NBR1: variants seen among roughly 807,000 people sequenced by gnomAD.
NBR1 encodes next to BRCA1 gene 1 protein.
A neutral mutation model predicts 115.5 loss-of-function variants in NBR1; 59 were observed. The observed-to-expected ratio is 0.51, with a 90% CI of 0.41 to 0.63. The LOEUF is 0.63. Ranked by LOEUF, NBR1 falls within the 30% of genes least tolerant of loss-of-function variation. The pLI, the probability that NBR1 is intolerant of heterozygous loss-of-function variation, is 0.00. For missense variants in NBR1, 1,043 were observed against 1,150.5 expected, an observed-to-expected ratio of 0.91 and a Z score of 1.35; for synonymous variants, 373 against 414.7, an observed-to-expected ratio of 0.90 and a Z score of 1.22.
At chr17:43,203,612 C>T in intron 19 of NBR1, 69 bp from the exon 20 acceptor site, 3 of 940,402 alleles carry the variant, frequency 3.2e-6, no homozygotes, top group Non-Finnish European at 3.3e-6. Flanking sequence ...AGGATTAGAG[C>T]CCAGATTATC....
In NBR1 at chr17:43,210,919, T is replaced by G. The variant is rs904846544; in HGVS notation, c.*845T>G. 2 of 390,528 alleles carry G rather than the reference T, an allele frequency of 5.1e-6. No homozygotes were observed. Among genetic ancestry groups the G allele is most frequent in the Non-Finnish European group, 9.0e-6 (2 of 222,120 alleles). The allele number at this position is 390,528 out of a possible 1,614,324, so 24.2% of individuals were successfully genotyped here. On this transcript the variant is annotated 3_prime_UTR_variant, in exon 21 of 21. Transcript: ENST00000590996. ...TTTTTCTTAATGTCAGGGCAGATCT[T>G]ATTTTACAGTACAGTGGGGGAAATA...
At chr17:43,189,823 A>T (rs1338993399) in intron 8 of NBR1, 21 bp downstream of exon 8, 1 of 1,605,524 alleles carries the variant, frequency 6.2e-7, no homozygotes, top group Non-Finnish European at 8.5e-7. Context: ...GCTTGGGAGT[A>T]GCTAGCTAGT....
intron 16 of NBR1, 66 bp downstream of exon 16, chr17:43,197,172 T>A: frequency 7.1e-7 from 1 of 1,404,702 alleles, no homozygotes; most frequent in Non-Finnish European, 1.0e-6. Flanking sequence ...CAGACTTGAC[T>A]AGTTAGATGT....
Position 43,195,059 on chromosome 17 carries a change from C to T in NBR1, c.1750+20C>T, listed in dbSNP as rs1446997696. 6.2e-7 allele frequency: 1 copy of T among 1,600,982 alleles called. No individual in the cohort carries two copies. The highest frequency in any genetic ancestry group is 1.7e-5 in the Admixed American group (1 of 59,880). ...CTGTGGGTAAGAATGTCACTCATTT[C>T]ATCTTGTTCGTCTTACTAATAGGCA... On this transcript the variant is annotated intron_variant, in intron 14 of 20. Coordinates refer to ENST00000590996, the MANE Select transcript of NBR1 (RefSeq NM_005899.5).
rs759713731 is a variant in NBR1 at position 43,194,455 on chromosome 17, G to C, written c.1630G>C (p.Glu544Gln). Residue 544 changes from glutamate to glutamine, a missense_variant, in exon 13 of 21, where the codon GAG becomes CAG. By Grantham distance (29) the Glu-to-Gln change is conservative. Transcript: ENST00000590996. ...ACAGAAGGCAAAAAATGTTGCCAGT[G>C]AGAGGGAGCTCTACATCCCATCTGT... Reference protein sequence around the residue: ...IPQKAKNVASERELYIPSVDL... With the variant: ...IPQKAKNVASQRELYIPSVDL... 6 of 1,614,012 alleles carry C rather than the reference G, an allele frequency of 3.7e-6. No individual in the cohort carries two copies. The East Asian group carries it at 1.3e-4, about 36-fold the overall frequency.
At chr17:43,171,564 G>A (rs577838563) in intron 1 of NBR1, among the ~76,000 whole-genome samples, 1 of 152,308 alleles carries the variant, frequency 6.6e-6, no homozygotes, top group African/African-American at 2.4e-5. Context: ...AGTGGAATGA[G>A]GGCCTAGGCA....
At position 43,200,571 on chromosome 17, in the gene NBR1, A is replaced by C. The variant is rs1219007057; in HGVS notation, c.2431A>C (p.Ile811Leu). The C allele has an allele frequency of 6.2e-7, 1 of 1,612,128 alleles. No homozygotes were observed. Among genetic ancestry groups the C allele is most frequent in the Admixed American group, 1.7e-5 (1 of 59,964 alleles). ...TSQTLETVPL[I>L]PEVVELPPSL... ...ACAGACTCTGGAAACAGTGCCCCTA[A>C]TCCCAGAGGTAGTGGAGCTTCCACC... is the stretch of plus-strand genomic sequence containing the variant. Residue 811 changes from isoleucine (I) to leucine (L), a missense_variant, in exon 17 of 21, where the codon ATC becomes CTC. By Grantham distance (5) the Ile-to-Leu change is conservative. Transcript: ENST00000590996.
intron 20 of NBR1, among the ~76,000 whole-genome samples, chr17:43,205,338 A>C (rs2057293257): frequency 6.6e-6 from 1 of 152,154 alleles, no homozygotes; most frequent in East Asian, 1.9e-4. Flanking sequence ...TGGGCAACAG[A>C]GTGAGACTCC....
Position 43,191,592 on chromosome 17 carries a change from G to A in NBR1, c.1073+11G>A, listed in dbSNP as rs372677092. 180 of 1,584,290 alleles carry A rather than the reference G, an allele frequency of 1.1e-4. No individual in the cohort carries two copies. In the African/African-American group the frequency reaches 2.2e-3, roughly 19 times the overall value. ...GTCTAATACCCTGATGTAAGCCCAG[G>A]ACTGGGGTGGGAGCCAAAACTTTAG... On this transcript the variant is annotated intron_variant, in intron 10 of 20. Coordinates refer to ENST00000590996, the MANE Select transcript of NBR1 (RefSeq NM_005899.5).
Position 43,175,910 on chromosome 17 carries a change from T to C in NBR1, c.102+9T>C. The C allele has an allele frequency of 6.8e-7, 1 of 1,480,230 alleles. No homozygotes were observed. The highest frequency in any genetic ancestry group is 1.7e-5 in the Admixed American group (1 of 57,610). The allele number at this position is 1,480,230 out of a possible 1,614,324, so 91.7% of individuals were successfully genotyped here. ...CTGATATCGAAGCTATGGTGAGTGT[T>C]ACTTTATTTTGTTTCTCCTTGGTTT... On this transcript the variant is annotated intron_variant, in intron 2 of 20. Coordinates refer to ENST00000590996, the MANE Select transcript of NBR1 (RefSeq NM_005899.5).
intron 16 of NBR1, among the ~76,000 whole-genome samples, chr17:43,199,545 T>G (rs2057147770): frequency 6.6e-6 from 1 of 152,020 alleles, no homozygotes; most frequent in African/African-American, 2.4e-5. Flanking sequence ...CGGGTAATTT[T>G]TTTGTATTTT....
chr17:43,178,411 C>T (rs964201724), intron 3 of NBR1, among the ~76,000 whole-genome samples: 1 of 148,740 alleles, frequency 6.7e-6, no homozygotes, highest in Non-Finnish European at 1.5e-5. Context: ...AAGCCTCACT[C>T]CATAACCTAG....
At chr17:43,175,074 G>A (rs2056474381) in intron 1 of NBR1, among the ~76,000 whole-genome samples, 2 of 152,228 alleles carry the variant, frequency 1.3e-5, no homozygotes, top group South Asian at 4.1e-4. Context: ...ACCCCAGCCT[G>A]GGGCGATAGA....
chr17:43,209,440 C>A, intron 20 of NBR1: 2 of 768,794 alleles, frequency 2.6e-6, no homozygotes, highest in Non-Finnish European at 2.1e-6. Flanking sequence ...ATTTCCCAAG[C>A]TGTTTTTTTT....
chr17:43,194,659 G>A (rs2057026076), intron 13 of NBR1, 160 bp downstream of exon 13: 2 of 813,048 alleles, frequency 2.5e-6, no homozygotes, highest in Non-Finnish European at 2.0e-6. Flanking sequence ...AAGCAAGTTT[G>A]TAAACTAGAT....
rs768676185 is a variant in NBR1 at position 43,200,500 on chromosome 17, A to G, written c.2360A>G (p.Glu787Gly). ...AEAGERLPGG[E>G]NQPQEHSISD... is the part of the protein sequence containing the mutation. ...GCTGGGGAAAGACTCCCTGGAGGGG[A>G]GAACCAGCCACAGGAGCACAGCATA... The change falls in exon 17 of 21, where the codon GAG becomes GGG. Residue 787 changes from glutamate to glycine, a missense_variant. Physicochemically the swap from Glu to Gly is moderately conservative, Grantham distance 98. Transcript: ENST00000590996. 1 of 1,613,832 alleles carries G rather than the reference A, an allele frequency of 6.2e-7. No homozygotes were observed. Among genetic ancestry groups the G allele is most frequent in the Admixed American group, 1.7e-5 (1 of 60,012 alleles).
At chr17:43,177,572 A>AACACACAC (rs60320098) in intron 2 of NBR1, among the ~76,000 whole-genome samples, 3,242 of 131,258 alleles carry the variant, frequency 0.025, 55 homozygotes, top group African/African-American at 0.038. Flanking sequence ...CCCCACCCAA[A>AACACACAC]ACACACACAC....
In NBR1 at chr17:43,193,422, C is replaced by T. The variant is rs148320569; in HGVS notation, c.1308C>T (p.Ala436=). 240 of 1,613,944 alleles carry T rather than the reference C, an allele frequency of 1.5e-4. 1 individual carries two copies. The South Asian group carries it at 2.2e-3, about 15-fold the overall frequency. The part of the protein sequence containing the change: ...KKDVLVPCLK[A]GHVGVVSVEF... The stretch of plus-strand genomic sequence containing the variant: ...ATGTTTTGGTTCCCTGCCTCAAGGC[C>T]GGCCATGTGGGAGTTGTATCTGTGG... Residue 436 remains alanine (A), a synonymous_variant, in exon 12 of 21, where the codon GCC becomes GCT. Coordinates refer to ENST00000590996, the MANE Select transcript of NBR1 (RefSeq NM_005899.5).
rs1183410322 is a variant in NBR1, at chr17:43,171,266, TGGCCTCC to T, written c.-42_-36del. On this transcript the variant is annotated 5_prime_UTR_variant, in exon 1 of 21. Transcript: ENST00000590996. ...AGCCGGTAGCGGACGGTCCTTGCAT[TGGCCTCC>T]GGCAGGCGCCCCCCGGGGGCGGGAA... The T allele has an allele frequency of 6.5e-6, 1 of 152,708 alleles. No homozygotes were observed. Among genetic ancestry groups the T allele is most frequent in the Non-Finnish European group, 1.5e-5 (1 of 68,102 alleles). The allele number at this position is 152,708 out of a possible 1,614,324, so 9.5% of individuals were successfully genotyped here.
Sources: allele counts gnomAD v4.1 joint callset (sites outside exome capture counted in the v4.1 genomes callset), GRCh38; gene constraint gnomAD v4.1.1; transcripts MANE v1.5; gene names NCBI Gene and HGNC (gene_info 2026-07-23, HGNC 2026-07-21).